The following SLC13A3 variants were observed in gnomAD, a reference collection of about 807,000 sequenced individuals.
The protein encoded by SLC13A3 is solute carrier family 13 member 3.
SLC13A3 carries 40 observed loss-of-function variants against 59.0 expected under a neutral mutation model. The observed-to-expected ratio is 0.68, with a 90% CI of 0.53 to 0.88. The LOEUF (loss-of-function observed/expected upper bound fraction) is 0.88, where lower values mean the gene tolerates loss of function less well. SLC13A3 is among the 40% of genes least tolerant of loss of function. SLC13A3 has a pLI of 0.00. For synonymous variants in SLC13A3, 317 were observed against 330.3 expected, an observed-to-expected ratio of 0.96 and a Z score of 0.44; for missense variants, 699 against 783.2, an observed-to-expected ratio of 0.89 and a Z score of 1.28.
rs2062228151 is a variant in SLC13A3 at position 46,589,268 on chromosome 20, G to A, written c.921-13C>T. 6.2e-7 allele frequency: 1 copy of A among 1,613,176 alleles called. No homozygotes were observed. The highest frequency in any genetic ancestry group is 8.5e-7 in the Non-Finnish European group (1 of 1,179,162). ...CTTCCTCCAGCCCCTGAAACAGAAA[G>A]TGGGAGATTAGGAGTGGCCACTGCA... On this transcript the variant is annotated splice_polypyrimidine_tract_variant and intron_variant, in intron 6 of 12. Transcript: ENST00000279027.
rs2061915669 is a variant in SLC13A3, at chr20:46,559,809, T to C, written c.*213A>G. Reference sequence around the variant, plus strand: ...GAGCTTATTTCTCAGGCAGCAGATCTGAGAGATACCTGGGCTTTGAACTGC... The same window carrying C: ...GAGCTTATTTCTCAGGCAGCAGATCCGAGAGATACCTGGGCTTTGAACTGC... On this transcript the variant is annotated 3_prime_UTR_variant, in exon 13 of 13. Transcript: ENST00000279027. The C allele has an allele frequency of 1.9e-6, 1 of 532,324 alleles. No homozygotes were observed. The highest frequency in any genetic ancestry group is 3.2e-5 in the Admixed American group (1 of 30,844). The allele number at this position is 532,324 out of a possible 1,614,324, so 33.0% of individuals were successfully genotyped here.
chr20:46,627,729 T>C (rs1369171789), intron 1 of SLC13A3, among the ~76,000 whole-genome samples: 1 of 152,140 alleles, frequency 6.6e-6, no homozygotes. Flanking sequence ...CCTGCGGTAA[T>C]TAATGAAAAA....
rs552620237 is a variant in SLC13A3, at chr20:46,659,722, C to G, written c.-31+10321G>C. On this transcript the variant is annotated intron_variant, in intron 1 of 12. Coordinates refer to the SLC13A3 transcript ENST00000290317. ...CAGAGTGAGACCCTATCCCCCCCCC[C>G]CAAAAAAAAAAAGAAAAAACAAAGA... Among the ~76,000 whole-genome samples, 33 of 146,078 alleles carry G rather than the reference C, an allele frequency of 2.3e-4. 1 individual carries two copies. The South Asian group carries it at 2.6e-3, about 11-fold the overall frequency.
chr20:46,648,270 T>C (rs1474590774), intron 1 of SLC13A3, among the ~76,000 whole-genome samples: 3 of 152,224 alleles, frequency 2.0e-5, no homozygotes, highest in East Asian at 1.9e-4. Context: ...ATTAAATGTG[T>C]GTCCCAGATC....
intron 1 of SLC13A3, among the ~76,000 whole-genome samples, chr20:46,623,735 C>T (rs556418152): frequency 6.6e-6 from 1 of 152,294 alleles, no homozygotes; most frequent in East Asian, 1.9e-4. Context: ...ATAACGATCG[C>T]TAGCAATTAA....
At chr20:46,680,350 AATG>A (rs1056749253) in intron 1 of SLC13A3, among the ~76,000 whole-genome samples, 28 of 152,334 alleles carry the variant, frequency 1.8e-4, no homozygotes, top group Non-Finnish European at 2.9e-4. Context: ...ACATCACGAT[AATG>A]ATATTGCTCA....
At chr20:46,632,928 T>TACCCACCCAG (rs1568947780) in intron 1 of SLC13A3, among the ~76,000 whole-genome samples, 32 of 62,974 alleles carry the variant, frequency 5.1e-4, no homozygotes, top group Middle Eastern at 8.6e-3. Context: ...TCTATCTATC[T>TACCCACCCAG]ATCTATCTAT....
intron 1 of SLC13A3, among the ~76,000 whole-genome samples, chr20:46,665,143 G>A (rs1379285277): frequency 6.6e-6 from 1 of 151,994 alleles, no homozygotes; most frequent in Non-Finnish European, 1.5e-5. Context: ...GTGTGTGCCT[G>A]TAGTCCCAGC....
intron 3 of SLC13A3, chr20:46,600,439 GAAGGA>G (rs776565485): frequency 2.6e-3 from 458 of 177,478 alleles, no homozygotes; most frequent in Non-Finnish European, 4.6e-3. Context: ...AGGAAGGAAG[GAAGGA>G]AAAGGAAAGG....
upstream of SLC13A3, among the ~76,000 whole-genome samples, chr20:46,673,063 C>T (rs1006484311): frequency 2.6e-5 from 4 of 152,124 alleles, no homozygotes; most frequent in African/African-American, 9.7e-5. Flanking sequence ...TGAAACTGTG[C>T]ACCTGGTGGG....
At chr20:46,680,203 G>A (rs1317787488) in intron 1 of SLC13A3, among the ~76,000 whole-genome samples, 1 of 152,188 alleles carries the variant, frequency 6.6e-6, no homozygotes, top group Non-Finnish European at 1.5e-5. Context: ...TCAGACCTTT[G>A]ATTCAGAAGC....
At chr20:46,566,031 A>G (rs766438248) in intron 11 of SLC13A3, among the ~76,000 whole-genome samples, 198 bp downstream of exon 11, 2 of 152,228 alleles carry the variant, frequency 1.3e-5, no homozygotes, top group African/African-American at 2.4e-5. Context: ...CACTTTGAAA[A>G]TATTTACTCT....
In SLC13A3 at chr20:46,610,528, G is replaced by A. The variant is rs779531657; in HGVS notation, c.459C>T (p.Pro153=). 1 of 1,614,118 alleles carries A rather than the reference G, an allele frequency of 6.2e-7. No homozygotes were observed. Among genetic ancestry groups the A allele is most frequent in the South Asian group, 1.1e-5 (1 of 91,078 alleles). Residue 153 remains proline (P), a synonymous_variant, in exon 3 of 13, where the codon CCC becomes CCT. Transcript: ENST00000279027. ...GACTTTTCAGGATGGCATTGGCAAT[G>A]GGAAGCATCATGGCAGTGGAGGCGG... ...SNTASTAMML[P]IANAILKSLF...
At chr20:46,643,502 A>C (rs1404346186) in intron 1 of SLC13A3, among the ~76,000 whole-genome samples, 1 of 152,192 alleles carries the variant, frequency 6.6e-6, no homozygotes, top group Non-Finnish European at 1.5e-5. Context: ...GGGATATTTA[A>C]GGAGCAGTAA....
upstream of SLC13A3, chr20:46,651,503 C>A (rs1296335773): frequency 2.8e-6 from 2 of 707,374 alleles, no homozygotes; most frequent in South Asian, 2.4e-5. Context: ...GGGGGAGGGT[C>A]GGGGAGGGGA....
At chr20:46,674,597 G>A (rs565127257), upstream of SLC13A3, among the ~76,000 whole-genome samples, 1,869 of 94,440 alleles carry the variant, frequency 0.02, 36 homozygotes, top group African/African-American at 0.062. Flanking sequence ...GTGCGCGCGC[G>A]CGCGCGCGTG....
chr20:46,584,411 C>T (rs939351712), intron 8 of SLC13A3: 5 of 985,260 alleles, frequency 5.1e-6, no homozygotes, highest in African/African-American at 1.7e-5. Flanking sequence ...AATTGAAGTG[C>T]TCCCATTCTG....
At chr20:46,568,014 C>A (rs2061995121) in intron 10 of SLC13A3, among the ~76,000 whole-genome samples, 1 of 152,050 alleles carries the variant, frequency 6.6e-6, no homozygotes, top group Non-Finnish European at 1.5e-5. Flanking sequence ...TCCAGTATAC[C>A]AAAGACACTT....
intron 6 of SLC13A3, among the ~76,000 whole-genome samples, chr20:46,592,095 C>T (rs113021750): frequency 6.6e-6 from 1 of 152,142 alleles, no homozygotes; most frequent in East Asian, 1.9e-4. Context: ...TGCCTGTAGT[C>T]TCAGCTACTT....
Sources: allele counts gnomAD v4.1 joint callset (sites outside exome capture counted in the v4.1 genomes callset), GRCh38; gene constraint gnomAD v4.1.1; transcripts MANE v1.5; gene names NCBI Gene and HGNC (gene_info 2026-07-23, HGNC 2026-07-21).